DNAH12: variants seen among roughly 807,000 people sequenced by gnomAD.
DNAH12 encodes the protein dynein axonemal heavy chain 12.
A neutral mutation model predicts 371.5 loss-of-function variants in DNAH12; 285 were observed. The ratio of observed to expected loss-of-function variants is 0.77; its 90% CI spans 0.70 to 0.85. The LOEUF is 0.85. DNAH12 is among the 40% of genes least tolerant of loss of function. DNAH12 has a pLI of 0.00. For synonymous variants in DNAH12, 1,200 were observed against 1,213.0 expected, an observed-to-expected ratio of 0.99 and a Z score of 0.22; for missense variants, 3,611 against 3,689.4, an observed-to-expected ratio of 0.98 and a Z score of 0.55.
intron 13 of DNAH12, among the ~76,000 whole-genome samples, chr3:57,476,779 A>C (rs916454115): frequency 6.6e-6 from 1 of 152,228 alleles, no homozygotes; most frequent in Non-Finnish European, 1.5e-5. Flanking sequence ...TAAACAAAGA[A>C]TAAGAGTAAA....
In DNAH12 at chr3:57,534,977, T is replaced by G. The variant is rs138980786; in HGVS notation, c.170+7724A>C. Among the ~76,000 whole-genome samples the G allele has an allele frequency of 2.7e-3, 415 of 152,360 alleles. 1 individual carries two copies. The highest frequency in any genetic ancestry group is 9.6e-3 in the African/African-American group (398 of 41,584). The stretch of plus-strand genomic sequence containing the variant: ...TACTGTTTATTATGAGTTTATTATG[T>G]TTTAGGCATAGGCTTAAGATCTTTA... On this transcript the variant is annotated intron_variant, in intron 2 of 73. Transcript: ENST00000495027.
chr3:57,494,345 G>C (rs534368986), intron 11 of DNAH12, among the ~76,000 whole-genome samples: 20 of 152,194 alleles, frequency 1.3e-4, no homozygotes, highest in Admixed American at 1.3e-3. Context: ...TTGAGCCCAG[G>C]AGTTTGAGAC....
intron 43 of DNAH12, among the ~76,000 whole-genome samples, chr3:57,399,222 C>T (rs2063806132): frequency 6.6e-6 from 1 of 151,674 alleles, no homozygotes; most frequent in African/African-American, 2.4e-5. Context: ...AAATAAAAAT[C>T]ATCATAACAT....
At position 57,390,424 on chromosome 3, in the gene DNAH12, A is replaced by AAAAT; in HGVS notation, c.7305+1447_7305+1448insATTT. Among the ~76,000 whole-genome samples the AAAAT allele has an allele frequency of 9.0e-4, 30 of 33,438 alleles. 1 individual carries two copies. The highest frequency in any genetic ancestry group is 1.3e-3 in the African/African-American group (21 of 15,864). The allele number at this position is 33,438 out of a possible 152,430, so 21.9% of individuals were successfully genotyped here. ...ATCCTGTCTCAAAAAAAAAAAAAAA[A>AAAAT]ATATATATATATATATATATATATA... On this transcript the variant is annotated intron_variant, in intron 45 of 73. Transcript: ENST00000495027.
Position 57,468,989 on chromosome 3 carries a change from A to G in DNAH12, c.2106-10T>C. The G allele has an allele frequency of 1.3e-6, 2 of 1,513,648 alleles. No individual in the cohort carries two copies. The highest frequency in any genetic ancestry group is 1.8e-6 in the Non-Finnish European group (2 of 1,136,492). The allele number at this position is 1,513,648 out of a possible 1,614,324, so 93.8% of individuals were successfully genotyped here. A position where few individuals can be genotyped will look rare whatever the true frequency, so the allele number is the denominator to read the frequency against. On this transcript the variant is annotated splice_polypyrimidine_tract_variant and intron_variant, in intron 16 of 73. Transcript: ENST00000495027. ...CCCTCCATCCATCCACCTGAATGGA[A>G]AGAAAAAATATTATTAAACTCAGAC...
chr3:57,395,157 A>C (rs967249855), intron 43 of DNAH12, among the ~76,000 whole-genome samples: 2 of 152,112 alleles, frequency 1.3e-5, no homozygotes, highest in Non-Finnish European at 2.9e-5. Flanking sequence ...AATATAGTAA[A>C]ATACAATGTC....
At chr3:57,419,805 A>G (rs956863821) in intron 36 of DNAH12, among the ~76,000 whole-genome samples, 68 of 152,308 alleles carry the variant, frequency 4.5e-4, no homozygotes, top group African/African-American at 1.6e-3. Context: ...CATATTCAAC[A>G]TATCTAACAT....
At chr3:57,385,042 C>A (rs1476216826) in intron 48 of DNAH12, 37 bp from the exon 49 acceptor site, 1 of 152,168 alleles carries the variant, frequency 6.6e-6, no homozygotes, top group South Asian at 2.1e-4. Context: ...TTCTCAAACA[C>A]CCTATTGCTT....
intron 11 of DNAH12, among the ~76,000 whole-genome samples, chr3:57,499,266 A>G (rs1198794858): frequency 1.3e-5 from 2 of 152,086 alleles, no homozygotes; most frequent in Non-Finnish European, 2.9e-5. Context: ...GGTAGGAGAA[A>G]TGTTCTACAT....
chr3:57,462,118 T>C (rs1265052688), intron 18 of DNAH12, among the ~76,000 whole-genome samples: 1 of 152,194 alleles, frequency 6.6e-6, no homozygotes, highest in Non-Finnish European at 1.5e-5. Context: ...GGAAAAATTA[T>C]GTACCAACAC....
intron 58 of DNAH12, among the ~76,000 whole-genome samples, chr3:57,359,559 CAAAAAAAAAAAAA>C: frequency 1.4e-5 from 1 of 72,124 alleles, no homozygotes; most frequent in East Asian, 6.2e-4. Flanking sequence ...AACTCCATCT[CAAAAAAAAAAAAA>C]AAAAAAAAGA....
chr3:57,518,803 G>A (rs2153396781), intron 4 of DNAH12, among the ~76,000 whole-genome samples: 1 of 152,324 alleles, frequency 6.6e-6, no homozygotes, highest in South Asian at 2.1e-4. Context: ...GAGGAAGCTT[G>A]TGGTCTCATT....
chr3:57,459,065 T>C (rs2065979589), intron 20 of DNAH12, among the ~76,000 whole-genome samples: 1 of 152,242 alleles, frequency 6.6e-6, no homozygotes, highest in Admixed American at 6.5e-5. Flanking sequence ...AGTGGATGCA[T>C]ATCTATGGAC....
intron 55 of DNAH12, among the ~76,000 whole-genome samples, 198 bp downstream of exon 55, chr3:57,375,173 T>C (rs2063257329): frequency 1.3e-5 from 2 of 152,120 alleles, no homozygotes; most frequent in Admixed American, 6.6e-5. Context: ...TGGAAATGCA[T>C]TTTAAAAGAT....
intron 35 of DNAH12, among the ~76,000 whole-genome samples, chr3:57,424,028 G>C (rs112074812): frequency 9.9e-5 from 15 of 151,780 alleles, no homozygotes; most frequent in Non-Finnish European, 1.9e-4. Flanking sequence ...CATGAGCCAC[G>C]GCACCCAGCC....
chr3:57,484,817 T>G (rs2066869997), intron 12 of DNAH12, among the ~76,000 whole-genome samples: 1 of 152,002 alleles, frequency 6.6e-6, no homozygotes, highest in Admixed American at 6.6e-5. Flanking sequence ...ATCCAGAATC[T>G]ACAATGAACT....
At chr3:57,529,172 T>G (rs1283053932) in intron 2 of DNAH12, among the ~76,000 whole-genome samples, 1 of 152,212 alleles carries the variant, frequency 6.6e-6, no homozygotes, top group African/African-American at 2.4e-5. Flanking sequence ...GTATCAATAT[T>G]CATCTGTGAT....
chr3:57,329,668 T>C (rs1183804426), intron 62 of DNAH12, among the ~76,000 whole-genome samples: 1 of 148,250 alleles, frequency 6.7e-6, no homozygotes, highest in African/African-American at 2.5e-5. Flanking sequence ...ACTTCATGTC[T>C]AAAACACCAA....
At chr3:57,520,390 C>A (rs1170304828) in intron 4 of DNAH12, among the ~76,000 whole-genome samples, 2 of 150,760 alleles carry the variant, frequency 1.3e-5, no homozygotes, top group African/African-American at 2.4e-5. Flanking sequence ...TGCGCCTGAC[C>A]GTTTTTACCC....
Sources: allele counts gnomAD v4.1 joint callset (sites outside exome capture counted in the v4.1 genomes callset), GRCh38; gene constraint gnomAD v4.1.1; transcripts MANE v1.5; gene names NCBI Gene and HGNC (gene_info 2026-07-23, HGNC 2026-07-21).